The following EXOC2 variants were observed in gnomAD, a reference collection of about 807,000 sequenced individuals.
The protein encoded by EXOC2 is exocyst complex component 2, also known as SEC5-like 1.
In EXOC2, 70 loss-of-function variants were observed where a neutral mutation model predicts 131.8. The ratio of observed to expected loss-of-function variants is 0.53; its 90% CI spans 0.44 to 0.65. EXOC2 has a LOEUF of 0.65. Among genes scored for constraint, EXOC2 ranks in the 30% least tolerant of loss-of-function variants. EXOC2 has a pLI of 0.00. For missense variants in EXOC2, 923 were observed against 1,108.6 expected (o/e 0.83, Z 2.38); for synonymous variants, 411 against 398.4 (o/e 1.03, Z -0.38).
intron 17 of EXOC2, 92 bp from the exon 18 acceptor site, chr6:556,656 AT>A: frequency 7.6e-7 from 1 of 1,319,372 alleles, no homozygotes; most frequent in Non-Finnish European, 1.1e-6. Flanking sequence ...CAAGCCCCAC[AT>A]TTTCCAGATT....
chr6:575,615 G>A (rs1008342915), intron 12 of EXOC2, among the ~76,000 whole-genome samples: 23 of 152,148 alleles, frequency 1.5e-4, no homozygotes, highest in African/African-American at 5.3e-4. Flanking sequence ...GCAGATGCCG[G>A]CGCAATGCTT....
At chr6:534,062 C>A (rs1766278140) in intron 22 of EXOC2, among the ~76,000 whole-genome samples, 1 of 152,078 alleles carries the variant, frequency 6.6e-6, no homozygotes, top group Non-Finnish European at 1.5e-5. Context: ...CCAAAGCTAA[C>A]AAATGAGTAG....
chr6:651,168 C>T (rs964772526), intron 1 of EXOC2, among the ~76,000 whole-genome samples: 55 of 151,962 alleles, frequency 3.6e-4, no homozygotes, highest in African/African-American at 1.3e-3. Context: ...ATAGCTGAGA[C>T]TACAGGCGCC....
rs951802485 is a variant in EXOC2, at chr6:693,082, C to T, written c.-107G>A. The T allele has an allele frequency of 1.3e-5, 2 of 152,390 alleles. No individual in the cohort carries two copies. The highest frequency in any genetic ancestry group is 2.9e-5 in the Non-Finnish European group (2 of 68,170). The allele number at this position is 152,390 out of a possible 1,614,324, so 9.4% of individuals were successfully genotyped here. A position where few individuals can be genotyped will look rare whatever the true frequency, so the allele number is the denominator to read the frequency against. ...AGGGCCCGGTAGGTCTCGCCGAAGA[C>T]TCCGCGGCCGCCAGCCGCCGGCACC... On this transcript the variant is annotated 5_prime_UTR_variant, in exon 1 of 28. Transcript: ENST00000230449.
intron 23 of EXOC2, among the ~76,000 whole-genome samples, chr6:517,928 G>A (rs983227430): frequency 2.0e-5 from 3 of 152,160 alleles, no homozygotes; most frequent in African/African-American, 7.2e-5. Flanking sequence ...TTTAAAGATG[G>A]GTGGGTAACA....
At chr6:576,643 A>T (rs1290802855) in intron 12 of EXOC2, 114 bp downstream of exon 12, 4 of 1,241,962 alleles carry the variant, frequency 3.2e-6, no homozygotes, top group African/African-American at 3.0e-5. Flanking sequence ...ATGATGGCTG[A>T]TAATACTTAG....
intron 23 of EXOC2, among the ~76,000 whole-genome samples, chr6:502,248 G>C (rs569651463): frequency 6.6e-6 from 1 of 152,214 alleles, no homozygotes. Context: ...CCCTCAGTGA[G>C]AACCGGGGTC....
chr6:648,714 CTCT>C (rs752631121), intron 1 of EXOC2, among the ~76,000 whole-genome samples: 2,248 of 115,468 alleles, frequency 0.019, 42 homozygotes, highest in African/African-American at 0.07. Context: ...CTTTTAAAAA[CTCT>C]TTTTTTTTTT....
At chr6:685,494 GA>G (rs1436305136) in intron 1 of EXOC2, among the ~76,000 whole-genome samples, 1 of 152,146 alleles carries the variant, frequency 6.6e-6, no homozygotes, top group African/African-American at 2.4e-5. Flanking sequence ...AAGGGTTCGG[GA>G]AAATGGTGAT....
intron 22 of EXOC2, among the ~76,000 whole-genome samples, chr6:535,566 C>T (rs939100414): frequency 5.9e-5 from 9 of 152,132 alleles, no homozygotes; most frequent in Non-Finnish European, 1.2e-4. Flanking sequence ...CAAGTCTTGA[C>T]AACATAGAGG....
intron 4 of EXOC2, among the ~76,000 whole-genome samples, chr6:625,155 C>T (rs1279672214): frequency 1.3e-5 from 2 of 152,236 alleles, no homozygotes; most frequent in Non-Finnish European, 2.9e-5. Flanking sequence ...AAGACACAGG[C>T]CTGTGGACTG....
chr6:591,162 C>T (rs1284686617), intron 11 of EXOC2, among the ~76,000 whole-genome samples: 1 of 152,214 alleles, frequency 6.6e-6, no homozygotes, highest in East Asian at 1.9e-4. Flanking sequence ...CCTGTCTCCT[C>T]ACCAGCTTCA....
At position 501,159 on chromosome 6, in the gene EXOC2, ATATATATTATATATATC is replaced by A. The variant is rs1581310712; in HGVS notation, c.2381-1476_2381-1460del. ...ATATCTATATATATTATATATATCT[ATATATATTATATATATC>A]TATATATTATATATATCTATATATA... is the stretch of plus-strand genomic sequence containing the variant. On this transcript the variant is annotated intron_variant, in intron 23 of 27. Transcript: ENST00000230449. 1.5e-4 allele frequency among the ~76,000 whole-genome samples: 4 copies of A among 26,772 alleles called. 1 individual carries two copies. Among genetic ancestry groups the A allele is most frequent in the East Asian group, 8.9e-4 (1 of 1,122 alleles). The allele number at this position is 26,772 out of a possible 152,430, so 17.6% of individuals were successfully genotyped here. A position where few individuals can be genotyped will look rare whatever the true frequency, so the allele number is the denominator to read the frequency against.
rs374349903 is a variant in EXOC2, at chr6:675,940, A to G, written c.-44+17079T>C. Among the ~76,000 whole-genome samples the G allele has an allele frequency of 1.4e-4, 14 of 103,514 alleles. No homozygotes were observed. In the East Asian group the frequency reaches 1.8e-3, roughly 13 times the overall value. 67.9% of individuals were successfully genotyped at this position (103,514 alleles called of 152,430 possible). On this transcript the variant is annotated intron_variant, in intron 1 of 27. Transcript: ENST00000230449. ...AGACTGCGGTTTCCCATACTCTTCA[A>G]CATTACAGAAAGGACAGGTTCCTCT...
chr6:511,134 G>C (rs575182038), intron 23 of EXOC2, among the ~76,000 whole-genome samples: 1 of 152,346 alleles, frequency 6.6e-6, no homozygotes, highest in African/African-American at 2.4e-5. Context: ...GGCTACACGA[G>C]TGAATGCTGG....
intron 25 of EXOC2, 25 bp from the exon 26 acceptor site, chr6:491,211 G>A (rs1763413134): frequency 1.2e-6 from 2 of 1,612,294 alleles, no homozygotes; most frequent in Non-Finnish European, 8.5e-7. Context: ...AAGACAAAGT[G>A]ACAACAGGAA....
intron 4 of EXOC2, among the ~76,000 whole-genome samples, chr6:626,151 C>T (rs1280901519): frequency 6.6e-6 from 1 of 152,112 alleles, no homozygotes; most frequent in East Asian, 1.9e-4. Context: ...CAAGCAAATC[C>T]TAGTCTCAAT....
chr6:532,395 TGAAAA>T, intron 23 of EXOC2, 69 bp downstream of exon 23: 1 of 1,337,446 alleles, frequency 7.5e-7, no homozygotes, highest in Non-Finnish European at 9.8e-7. Context: ...GAGAATAAAA[TGAAAA>T]GAATTCAAGC....
intron 22 of EXOC2, among the ~76,000 whole-genome samples, chr6:541,825 C>A (rs992369906): frequency 8.5e-5 from 13 of 152,078 alleles, no homozygotes; most frequent in African/African-American, 3.1e-4. Context: ...TCTGGGCATA[C>A]GGAAAATACC....
Sources: allele counts gnomAD v4.1 joint callset (sites outside exome capture counted in the v4.1 genomes callset), GRCh38; gene constraint gnomAD v4.1.1; transcripts MANE v1.5; gene names NCBI Gene and HGNC (gene_info 2026-07-23, HGNC 2026-07-21).